The following GNPTAB variants were observed in gnomAD, a reference collection of about 807,000 sequenced individuals.
GNPTAB encodes N-acetylglucosamine-1-phosphate transferase subunits alpha and beta, also known as N-acetylglucosamine-1-phosphotransferase subunits alpha/beta.
Under a neutral mutation model 136.6 loss-of-function variants are expected in GNPTAB, and 92 were observed. That is an observed-to-expected ratio of 0.67 (90% CI 0.57 to 0.80). The LOEUF (loss-of-function observed/expected upper bound fraction) is 0.80. GNPTAB is among the 30% of genes least tolerant of loss of function. The pLI, the probability that GNPTAB is intolerant of heterozygous loss-of-function variation, is 0.00. For synonymous variants in GNPTAB, 512 were observed against 535.1 expected, an observed-to-expected ratio of 0.96 and a Z score of 0.60; for missense variants, 1,343 against 1,501.8, an observed-to-expected ratio of 0.89 and a Z score of 1.75.
At chr12:101,798,409 C>G in intron 1 of GNPTAB, among the ~76,000 whole-genome samples, 1 of 152,200 alleles carries the variant, frequency 6.6e-6, no homozygotes, top group Admixed American at 6.5e-5. Flanking sequence ...GCTGTGGGGC[C>G]CAGGCATTTA....
chr12:101,749,699 G>A (rs942041757), intron 19 of GNPTAB, among the ~76,000 whole-genome samples: 4 of 152,242 alleles, frequency 2.6e-5, no homozygotes, highest in African/African-American at 9.6e-5. Context: ...GTGCCACAGA[G>A]ATGGTGGCAT....
chr12:101,760,129 CA>C lies in GNPTAB; in HGVS notation c.3149del (p.Leu1050ArgfsTer5), dbSNP rs756609549. 1.3e-6 allele frequency: 2 copies of C among 1,595,902 alleles called. No individual in the cohort carries two copies. The highest frequency in any genetic ancestry group is 1.7e-5 in the Admixed American group (1 of 59,992). On this transcript the variant is annotated frameshift_variant, in exon 16 of 21. Transcript: ENST00000299314. LOFTEE classifies it high-confidence loss of function. ...TTGAGCAATTTATTAGCATGTGTTC[CA>C]GACCTGTCAAATCCTAACAAAGAAA... is the stretch of plus-strand genomic sequence containing the variant. Reference protein sequence around the residue: ...LPLSLQDLTGLEHMLINCSKM... With the variant: ...LPLSLQDLTGXEHMLINCSKM...
At chr12:101,793,148 T>C (rs1869086231) in intron 2 of GNPTAB, among the ~76,000 whole-genome samples, 1 of 152,210 alleles carries the variant, frequency 6.6e-6, no homozygotes, top group South Asian at 2.1e-4. Context: ...TGGGGTTTAA[T>C]ACATATTTAT....
rs1953186651 is a variant in GNPTAB at position 101,772,153 on chromosome 12, T to C, written c.772-996A>G. ...AAGTCCACACCACTCTTTATCTGTT[T>C]TCTGTTCTGACTCTGTATCACACAA... On this transcript the variant is annotated intron_variant, in intron 7 of 20. Transcript: ENST00000299314. 2.0e-5 allele frequency among the ~76,000 whole-genome samples: 3 copies of C among 152,216 alleles called. No homozygotes were observed. In the South Asian group the frequency reaches 6.2e-4, roughly 31 times the overall value.
chr12:101,819,266 C>A (rs1245196480), intron 1 of GNPTAB, among the ~76,000 whole-genome samples: 1 of 152,092 alleles, frequency 6.6e-6, no homozygotes, highest in East Asian at 1.9e-4. Context: ...CCTGCCCCGG[C>A]CTCCCAAAGT....
intron 1 of GNPTAB, among the ~76,000 whole-genome samples, chr12:101,801,695 T>C (rs1869649181): frequency 6.6e-6 from 1 of 151,708 alleles, no homozygotes; most frequent in African/African-American, 2.4e-5. Flanking sequence ...CCAAAATCTG[T>C]CCCTTTAAAG....
chr12:101,830,553 A>T lies in GNPTAB; in HGVS notation c.117+6T>A. The T allele has an allele frequency of 6.3e-7, 1 of 1,581,476 alleles. No homozygotes were observed. The highest frequency in any genetic ancestry group is 8.7e-7 in the Non-Finnish European group (1 of 1,152,446). Reference sequence around the variant, plus strand: ...GCCCGGTCCAGGCTGCGGCGCCGCTACTCACCTCTCCGAACTGGAAGGCGG... The same window carrying T: ...GCCCGGTCCAGGCTGCGGCGCCGCTTCTCACCTCTCCGAACTGGAAGGCGG... On this transcript the variant is annotated splice_donor_region_variant and intron_variant, in intron 1 of 20. Coordinates refer to ENST00000299314, the MANE Select transcript of GNPTAB (RefSeq NM_024312.5).
rs911741586 is a variant in GNPTAB at position 101,790,149 on chromosome 12, G to GA, written c.204-93dup. ...CACAGGGTTTAAACCCAGAGATTATGAAAAAAATCTCTGAAGAAGTAATCC... is the reference window on the plus strand; with the variant it reads ...CACAGGGTTTAAACCCAGAGATTATGAAAAAAAATCTCTGAAGAAGTAATCC... On this transcript the variant is annotated intron_variant, in intron 2 of 20. Transcript: ENST00000299314. The GA allele has an allele frequency of 1.1e-5, 17 of 1,546,090 alleles. No individual in the cohort carries two copies. In the Admixed American group the frequency reaches 1.5e-4, roughly 14 times the overall value.
At chr12:101,765,352 T>G in intron 12 of GNPTAB, 48 bp from the exon 13 acceptor site, 2 of 1,196,888 alleles carry the variant, frequency 1.7e-6, no homozygotes, top group Non-Finnish European at 2.5e-6. Context: ...TGGGCATTTT[T>G]CCTCTGTTTT....
intron 19 of GNPTAB, among the ~76,000 whole-genome samples, chr12:101,749,894 G>A (rs1380023359): frequency 2.0e-5 from 3 of 152,212 alleles, no homozygotes; most frequent in Non-Finnish European, 4.4e-5. Context: ...AAACCACACC[G>A]TGGGGTCTGG....
At chr12:101,773,405 A>G (rs948982218) in intron 7 of GNPTAB, 2 of 275,172 alleles carry the variant, frequency 7.3e-6, no homozygotes, top group South Asian at 8.1e-5. Flanking sequence ...AAGCTCGTTC[A>G]CTTTGCGAAG....
intron 1 of GNPTAB, among the ~76,000 whole-genome samples, chr12:101,815,995 T>A (rs986842669): frequency 6.6e-6 from 1 of 152,192 alleles, no homozygotes; most frequent in Non-Finnish European, 1.5e-5. Flanking sequence ...GATTTCCATA[T>A]GCAGAAGAAT....
chr12:101,825,672 T>C lies in GNPTAB; in HGVS notation c.117+4887A>G, dbSNP rs139670026. On this transcript the variant is annotated intron_variant, in intron 1 of 20. Coordinates refer to ENST00000299314, the MANE Select transcript of GNPTAB (RefSeq NM_024312.5). The stretch of plus-strand genomic sequence containing the variant: ...CCTTTAAAAAGGCTCTGTGTGGCCA[T>C]TGGCATCTCTAGTATAAAATCCATT... Among the ~76,000 whole-genome samples, 314 of 132,316 alleles carry C rather than the reference T, an allele frequency of 2.4e-3. 2 individuals are homozygous for C. Among genetic ancestry groups the C allele is most frequent in the African/African-American group, 9.1e-3 (286 of 31,556 alleles). The allele number at this position is 132,316 out of a possible 152,430, so 86.8% of individuals were successfully genotyped here. A position where few individuals can be genotyped will look rare whatever the true frequency, so the allele number is the denominator to read the frequency against.
intron 5 of GNPTAB, among the ~76,000 whole-genome samples, chr12:101,782,240 T>TG (rs74939006): frequency 1.8e-4 from 4 of 22,490 alleles, no homozygotes; most frequent in Admixed American, 3.8e-4. Context: ...CCTTTATATA[T>TG]GGTACCAAAA....
In GNPTAB at chr12:101,765,251, T is replaced by A. The variant is rs761887333; in HGVS notation, c.1666A>T (p.Ile556Phe). Residue 556 changes from isoleucine (I) to phenylalanine (F), a missense_variant, in exon 13 of 21, where the codon ATT becomes TTT. Coordinates refer to ENST00000299314, the MANE Select transcript of GNPTAB (RefSeq NM_024312.5). The part of the protein sequence containing the change: ...VILLPNQTHY[I>F]IPKGECLPYF... The stretch of plus-strand genomic sequence containing the variant: ...GGCAGGCATTCACCTTTTGGAATAA[T>A]ATAGTGAGTCTGGTTTGGGAGAAGG... The A allele has an allele frequency of 4.3e-6, 7 of 1,614,008 alleles. No individual in the cohort carries two copies. In the Admixed American group the frequency reaches 1.2e-4, roughly 27 times the overall value.
intron 11 of GNPTAB, among the ~76,000 whole-genome samples, chr12:101,767,660 C>T (rs1953114453): frequency 6.6e-6 from 1 of 152,194 alleles, no homozygotes; most frequent in South Asian, 2.1e-4. Flanking sequence ...TGTCACTCTG[C>T]CGCCCAGGTT....
At chr12:101,747,548 A>G (rs1446082821) in intron 20 of GNPTAB, among the ~76,000 whole-genome samples, 1 of 152,204 alleles carries the variant, frequency 6.6e-6, no homozygotes, top group African/African-American at 2.4e-5. Context: ...CTATTACCAA[A>G]GCATATTTAT....
rs1051498174 is a variant in GNPTAB, at chr12:101,786,161, A to G, written c.422T>C (p.Leu141Pro). Residue 141 changes from leucine (L) to proline (P), a missense_variant, in exon 5 of 21, where the codon CTG becomes CCG. Leu to Pro is a moderately conservative substitution (Grantham distance 98). Transcript: ENST00000299314. ...GATGTTGGCTGGCAGGGCTGGGTCC[A>G]GGACAAGCATTGGCACCTTAATGCA... Reference protein sequence around the residue: ...THCIKVPMLVLDPALPANITL... With the variant: ...THCIKVPMLVPDPALPANITL... The G allele has an allele frequency of 3.7e-6, 6 of 1,613,972 alleles. No individual in the cohort carries two copies. Among genetic ancestry groups the G allele is most frequent in the Admixed American group, 1.7e-5 (1 of 59,988 alleles).
Position 101,759,796 on chromosome 12 carries a change from C to T in GNPTAB, c.3249+234G>A, listed in dbSNP as rs560415262. On this transcript the variant is annotated intron_variant, in intron 16 of 20. Transcript: ENST00000299314. The stretch of plus-strand genomic sequence containing the variant: ...TTTCTGTCACCCTTAGTAAACAGGA[C>T]ATCCGCTTATGGAATATAAGCAACA... 4.6e-5 allele frequency among the ~76,000 whole-genome samples: 7 copies of T among 152,340 alleles called. No individual in the cohort carries two copies. The South Asian group carries it at 1.5e-3, about 32-fold the overall frequency.
Sources: gnomAD v4.1 joint callset for allele counts (sites outside exome capture counted in the v4.1 genomes callset) on GRCh38, gnomAD v4.1.1 for gene constraint, MANE v1.5 for transcripts, NCBI Gene and HGNC (gene_info 2026-07-23, HGNC 2026-07-21) for gene names.